Variants in OTOF observed in about 807,000 individuals in gnomAD.
The protein encoded by OTOF is otoferlin.
OTOF carries 218 observed loss-of-function variants against 236.8 expected under a neutral mutation model. That is an observed-to-expected ratio of 0.92 (90% CI 0.82 to 1.03). The LOEUF is 1.03. Among genes scored for constraint, OTOF ranks in the 50% least tolerant of loss-of-function variants. OTOF has a pLI of 0.00. For synonymous variants in OTOF, 1,041 were observed against 1,072.5 expected (o/e 0.97, Z 0.57); for missense variants, 2,590 against 2,694.4 (o/e 0.96, Z 0.86).
Position 26,477,140 on chromosome 2 carries a change from A to G in OTOF, c.2523+32T>C, listed in dbSNP as rs780538871. On this transcript the variant is annotated intron_variant, in intron 21 of 46. Coordinates refer to ENST00000272371, the MANE Select transcript of OTOF (RefSeq NM_194248.3). This position sits in a 1 kb window ranked among gnomAD's most constrained non-coding sequence, Gnocchi z 4.7. The stretch of plus-strand genomic sequence containing the variant: ...AGGGGCCCCAGAGAGCCAGCCCTGG[A>G]TGAGGCAAAGCCCCGACCCCTTGGG... 1 of 1,597,700 alleles carries G rather than the reference A, an allele frequency of 6.3e-7. No homozygotes were observed. The highest frequency in any genetic ancestry group is 1.1e-5 in the South Asian group (1 of 90,036).
chr2:26,552,077 T>A (rs1223685468), intron 1 of OTOF, among the ~76,000 whole-genome samples: 3 of 110,320 alleles, frequency 2.7e-5, no homozygotes, highest in Admixed American at 2.4e-4. Context: ...AGAGTTTTTT[T>A]ATATATAAAA....
chr2:26,507,750 CCT>C (rs1231058077), intron 5 of OTOF, among the ~76,000 whole-genome samples: 12 of 152,272 alleles, frequency 7.9e-5, no homozygotes, highest in Non-Finnish European at 1.6e-4. Context: ...ATCCCAGGAC[CCT>C]CTGAGGATTT....
rs565370406 is a variant in OTOF, at chr2:26,553,950, A to C, written c.79+4543T>G. ...CACTTTGGGAGGCCGAGGCAGGCGGATCATGAGGTCAGGAGTTTGAGACCA... is the reference window on the plus strand; with the variant it reads ...CACTTTGGGAGGCCGAGGCAGGCGGCTCATGAGGTCAGGAGTTTGAGACCA... On this transcript the variant is annotated intron_variant, in intron 1 of 46. Transcript: ENST00000272371. 3.9e-5 allele frequency among the ~76,000 whole-genome samples: 6 copies of C among 152,244 alleles called. No homozygotes were observed. In the South Asian group the frequency reaches 1.2e-3, roughly 32 times the overall value.
intron 5 of OTOF, among the ~76,000 whole-genome samples, chr2:26,511,695 GACT>G (rs1438842345): frequency 6.6e-6 from 1 of 152,200 alleles, no homozygotes; most frequent in Non-Finnish European, 1.5e-5. Context: ...CATCAGCTGA[GACT>G]ACTAAGCGGA....
intron 5 of OTOF, among the ~76,000 whole-genome samples, chr2:26,513,353 G>C (rs369938629): frequency 1.2e-3 from 187 of 152,300 alleles, no homozygotes; most frequent in African/African-American, 4.4e-3. Flanking sequence ...GCAGGGCTGG[G>C]GGGTGGACCC....
chr2:26,494,990 C>A lies in OTOF; in HGVS notation c.849G>T (p.Lys283Asn), dbSNP rs772340601. ...PVVCVEVGDD[K>N]KYTSMKESTN... ...TGGACTCCTTCATGGATGTGTACTTCTTGTCGTCACCCACCTCCACGCACA... is the reference window on the plus strand; with the variant it reads ...TGGACTCCTTCATGGATGTGTACTTATTGTCGTCACCCACCTCCACGCACA... Residue 283 changes from lysine to asparagine, a missense_variant, in exon 9 of 47, where the codon AAG becomes AAT. Physicochemically the swap from Lys to Asn is moderately conservative, Grantham distance 94. Around this residue, in one of 2 missense-constraint regions of OTOF, gnomAD observed 1,379 missense variants for 1,341.6 expected, o/e 1.03. Transcript: ENST00000272371. 1 of 1,614,180 alleles carries A rather than the reference C, an allele frequency of 6.2e-7. No homozygotes were observed. Among genetic ancestry groups the A allele is most frequent in the Non-Finnish European group, 8.5e-7 (1 of 1,180,010 alleles).
At chr2:26,489,795 G>C (rs547827154) in intron 9 of OTOF, 55 bp from the exon 10 acceptor site, 19 of 1,336,582 alleles carry the variant, frequency 1.4e-5, no homozygotes, top group Non-Finnish European at 1.7e-5. Context: ...CAACAGCCCA[G>C]GCAGTGTTGG....
chr2:26,514,647 G>A (rs1424111766), intron 5 of OTOF, among the ~76,000 whole-genome samples: 1 of 152,230 alleles, frequency 6.6e-6, no homozygotes, highest in Non-Finnish European at 1.5e-5. Flanking sequence ...AGTTGGAGGG[G>A]AGCCAGATGT....
chr2:26,539,105 G>C (rs988931934), intron 1 of OTOF, among the ~76,000 whole-genome samples: 1 of 152,004 alleles, frequency 6.6e-6, no homozygotes, highest in African/African-American at 2.4e-5. Flanking sequence ...GAGTCACCGC[G>C]CCAGGCCTCC....
chr2:26,558,381 T>C, intron 1 of OTOF, 112 bp downstream of exon 1: 1 of 942,800 alleles, frequency 1.1e-6, no homozygotes, highest in Non-Finnish European at 1.7e-6. Context: ...CAGCCCCTGC[T>C]AGAACTTTTC....
intron 29 of OTOF, 60 bp from the exon 30 acceptor site, chr2:26,472,709 T>G (rs1665051854): frequency 6.3e-7 from 1 of 1,578,088 alleles, no homozygotes; most frequent in African/African-American, 1.3e-5. Flanking sequence ...ACAGTGAGAT[T>G]GGCGGGGCAG....
chr2:26,517,852 C>T (rs564441731), intron 4 of OTOF, among the ~76,000 whole-genome samples: 1 of 152,318 alleles, frequency 6.6e-6, no homozygotes, highest in African/African-American at 2.4e-5. Flanking sequence ...AGGGCATGGG[C>T]TGTGCTGTCT....
At chr2:26,528,022 G>A (rs1376860253) in intron 2 of OTOF, 102 bp from the exon 3 acceptor site, 2 of 840,322 alleles carry the variant, frequency 2.4e-6, no homozygotes, top group Non-Finnish European at 4.1e-6. Flanking sequence ...AGTCAGAGTG[G>A]CCCCTCACTT....
intron 5 of OTOF, among the ~76,000 whole-genome samples, chr2:26,511,129 G>T (rs1666377473): frequency 6.6e-6 from 1 of 152,216 alleles, no homozygotes; most frequent in Non-Finnish European, 1.5e-5. Flanking sequence ...CACCCTCCCG[G>T]CCTGGGCCAC....
chr2:26,546,923 C>T (rs923677832), intron 1 of OTOF, among the ~76,000 whole-genome samples: 2 of 152,176 alleles, frequency 1.3e-5, no homozygotes, highest in Non-Finnish European at 2.9e-5. Flanking sequence ...GGATTTTCTA[C>T]ATAACCAATC....
chr2:26,496,961 T>A (rs1029713379), intron 8 of OTOF, among the ~76,000 whole-genome samples: 21 of 152,206 alleles, frequency 1.4e-4, no homozygotes, highest in African/African-American at 5.1e-4. Context: ...GCTAAGCGGT[T>A]GATCTCTCAA....
chr2:26,459,474 C>A (rs1488629468), intron 46 of OTOF, among the ~76,000 whole-genome samples: 2 of 151,108 alleles, frequency 1.3e-5, no homozygotes. Context: ...ATGGCGTGAA[C>A]CCGGGAGGCG....
In OTOF at chr2:26,464,953, C is replaced by G; in HGVS notation, c.4876G>C (p.Asp1626His). ...CCAGGGGGCCCAAAGTGGGGGCCGT[C>G]CACTTTGCCGTCTTTGCAGAGGCGG... ...LTRLCKDGKV[D>H]GPHFGPPGRV... is the part of the protein sequence containing the mutation. The change falls in exon 39 of 47, where the codon GAC becomes CAC. Residue 1626 changes from aspartate to histidine, a missense_variant. Around this residue, in one of 2 missense-constraint regions of OTOF, gnomAD observed 1,211 missense variants for 1,352.8 expected, o/e 0.90. Transcript: ENST00000272371. 6.4e-7 allele frequency: 1 copy of G among 1,572,008 alleles called. No homozygotes were observed.
At chr2:26,516,676 G>A in intron 4 of OTOF, 77 bp from the exon 5 acceptor site, 1 of 1,487,778 alleles carries the variant, frequency 6.7e-7, no homozygotes, top group Middle Eastern at 1.9e-4. Flanking sequence ...CTGCTTGGTG[G>A]TGTTTACACA....
Sources: allele counts gnomAD v4.1 joint callset (sites outside exome capture counted in the v4.1 genomes callset), GRCh38; gene constraint gnomAD v4.1.1; regional missense constraint gnomAD v4.1.1; non-coding constraint Gnocchi (gnomAD v3.1); transcripts MANE v1.5; gene names NCBI Gene and HGNC (gene_info 2026-07-23, HGNC 2026-07-21).